Variants in VPS13B observed in about 807,000 individuals in gnomAD.
VPS13B encodes the protein intermembrane lipid transfer protein VPS13B.
VPS13B carries 285 observed loss-of-function variants against 426.4 expected under a neutral mutation model. The ratio of observed to expected loss-of-function variants is 0.67; its 90% CI spans 0.61 to 0.74. The LOEUF (loss-of-function observed/expected upper bound fraction) is 0.74. VPS13B is among the 30% of genes least tolerant of loss of function. VPS13B has a pLI of 0.00. For synonymous variants in VPS13B, 1,676 were observed against 1,676.4 expected, an observed-to-expected ratio of 1.00 and a Z score of 0.01; for missense variants, 4,537 against 4,782.6, an observed-to-expected ratio of 0.95 and a Z score of 1.51.
intron 2 of VPS13B, among the ~76,000 whole-genome samples, chr8:99,035,812 T>C (rs1311420453): frequency 6.6e-6 from 1 of 152,212 alleles, no homozygotes; most frequent in Admixed American, 6.5e-5. Flanking sequence ...TTCCATTTTC[T>C]CAACACTTAC....
chr8:99,224,568 TG>T (rs1242415441), intron 17 of VPS13B, among the ~76,000 whole-genome samples: 3 of 152,168 alleles, frequency 2.0e-5, no homozygotes, highest in Non-Finnish European at 4.4e-5. Context: ...ATTAATCTGA[TG>T]GGATTTGATG....
intron 19 of VPS13B, among the ~76,000 whole-genome samples, chr8:99,381,099 T>C (rs1185167013): frequency 6.6e-6 from 1 of 152,070 alleles, no homozygotes; most frequent in Non-Finnish European, 1.5e-5. Flanking sequence ...TTTTCTCCTC[T>C]ATGTGTCCAT....
At chr8:99,573,857 G>A (rs963588825) in intron 31 of VPS13B, among the ~76,000 whole-genome samples, 61 of 152,128 alleles carry the variant, frequency 4.0e-4, no homozygotes, top group African/African-American at 1.4e-3. Context: ...GTAGCTTGAT[G>A]GGGATGGCAT....
In VPS13B at chr8:99,823,898, A is replaced by T; in HGVS notation, c.9250A>T (p.Thr3084Ser). The change falls in exon 51 of 62, where the codon ACT (threonine) becomes TCT (serine). Residue 3084 changes from threonine (T) to serine (S), a missense_variant. Thr to Ser is a moderately conservative substitution (Grantham distance 58, BLOSUM62 1). Transcript: ENST00000357162. ...GIQIIQIEDK[T>S]TIINNTPYQI... ...ACAAATTATTCAGATTGAAGACAAG[A>T]CTACAATAATCAATAATACACCATA... 6.2e-7 allele frequency: 1 copy of T among 1,613,284 alleles called. No individual in the cohort carries two copies. The highest frequency in any genetic ancestry group is 1.1e-5 in the South Asian group (1 of 91,060).
At chr8:99,680,763 A>T (rs1296540618) in intron 35 of VPS13B, among the ~76,000 whole-genome samples, 1 of 152,214 alleles carries the variant, frequency 6.6e-6, no homozygotes, top group African/African-American at 2.4e-5. Flanking sequence ...TAAGTATCTG[A>T]TAATAATTGG....
intron 3 of VPS13B, among the ~76,000 whole-genome samples, chr8:99,050,821 A>AT (rs1452057143): frequency 6.6e-6 from 1 of 152,212 alleles, no homozygotes; most frequent in African/African-American, 2.4e-5. Context: ...TTTTGGCTGC[A>AT]TTAATGTCTT....
chr8:99,053,421 C>A (rs1419781433), intron 3 of VPS13B, among the ~76,000 whole-genome samples: 4 of 151,988 alleles, frequency 2.6e-5, no homozygotes, highest in Non-Finnish European at 4.4e-5. Flanking sequence ...CGATAGTTTG[C>A]TGAGAATGAT....
chr8:99,791,059 G>A (rs1340200849), intron 43 of VPS13B, among the ~76,000 whole-genome samples: 2 of 152,176 alleles, frequency 1.3e-5, no homozygotes, highest in South Asian at 2.1e-4. Flanking sequence ...TGAACAGTAA[G>A]TATAGGTTGG....
intron 25 of VPS13B, among the ~76,000 whole-genome samples, chr8:99,485,885 A>T (rs1289860507): frequency 6.6e-6 from 1 of 152,188 alleles, no homozygotes; most frequent in Non-Finnish European, 1.5e-5. Context: ...TTAACATTTT[A>T]AAATAATTGG....
chr8:99,840,280 T>C (rs947014813), intron 54 of VPS13B, among the ~76,000 whole-genome samples: 2 of 152,264 alleles, frequency 1.3e-5, no homozygotes, highest in African/African-American at 4.8e-5. Context: ...CCCAGGTCTT[T>C]ATCATATGAC....
intron 54 of VPS13B, among the ~76,000 whole-genome samples, chr8:99,838,215 T>A (rs1815496419): frequency 6.6e-6 from 1 of 152,204 alleles, no homozygotes; most frequent in Non-Finnish European, 1.5e-5. Flanking sequence ...ACCAGAGACC[T>A]GAAGGTGGCA....
chr8:99,457,139 C>A (rs971802211), intron 23 of VPS13B, among the ~76,000 whole-genome samples: 2 of 151,604 alleles, frequency 1.3e-5, no homozygotes, highest in South Asian at 2.1e-4. Flanking sequence ...TCAAGCCATT[C>A]TCCCGCCTCA....
intron 19 of VPS13B, among the ~76,000 whole-genome samples, chr8:99,365,253 CATTTCA>C (rs1416712192): frequency 1.3e-5 from 2 of 148,718 alleles, no homozygotes; most frequent in African/African-American, 4.9e-5. Flanking sequence ...GTATTTTCTT[CATTTCA>C]ATTTCATTTA....
chr8:99,443,156 T>TA (rs1817756936), intron 23 of VPS13B, among the ~76,000 whole-genome samples: 1 of 152,130 alleles, frequency 6.6e-6, no homozygotes, highest in African/African-American at 2.4e-5. Context: ...TGTTTTCAGT[T>TA]ATGAATTCAT....
chr8:99,546,735 T>A (rs1313583538), intron 30 of VPS13B, among the ~76,000 whole-genome samples: 1 of 151,940 alleles, frequency 6.6e-6, no homozygotes, highest in Non-Finnish European at 1.5e-5. Context: ...TGACTGGAAA[T>A]GAAAGAATGT....
At chr8:99,620,875 A>G (rs1030755751) in intron 33 of VPS13B, among the ~76,000 whole-genome samples, 6 of 151,488 alleles carry the variant, frequency 4.0e-5, no homozygotes, top group Non-Finnish European at 8.8e-5. Context: ...TAATCCCACT[A>G]CTTAGGAGGC....
chr8:99,081,096 G>A (rs1845427413), intron 3 of VPS13B, among the ~76,000 whole-genome samples: 1 of 152,130 alleles, frequency 6.6e-6, no homozygotes, highest in Admixed American at 6.6e-5. Flanking sequence ...GCAGTGGTTG[G>A]CAGTAAGTTT....
In VPS13B at chr8:99,853,585, C is replaced by A; in HGVS notation, c.10196C>A (p.Ala3399Asp). 6.2e-7 allele frequency: 1 copy of A among 1,614,194 alleles called. No individual in the cohort carries two copies. Among genetic ancestry groups the A allele is most frequent in the Non-Finnish European group, 8.5e-7 (1 of 1,180,030 alleles). The change falls in exon 56 of 62, where the codon GCC becomes GAC. Residue 3399 changes from alanine (A) to aspartate (D), a missense_variant. Transcript: ENST00000357162. ...CTGGACAACATTTTTCTCTGTGTGG[C>A]CCCGGGAGCTGGTCCCCTCCCTGGG... Reference protein sequence around the residue: ...LTLDNIFLCVAPGAGPLPGEE... With the variant: ...LTLDNIFLCVDPGAGPLPGEE...
rs16897486 is a variant in VPS13B at position 99,598,428 on chromosome 8, C to T, written c.5220+20795C>T. ...TAGAAGGGCGAGAGTGCTGAGATTG[C>T]CCTGGGTTACGTTCATTTGGCTGCA... On this transcript the variant is annotated intron_variant, in intron 33 of 61. Transcript: ENST00000357162. Among the ~76,000 whole-genome samples, 632 of 152,004 alleles carry T rather than the reference C, an allele frequency of 4.2e-3. 9 individuals carry two copies. The highest frequency in any genetic ancestry group is 0.015 in the African/African-American group (606 of 41,476).
Sources: allele counts gnomAD v4.1 joint callset (sites outside exome capture counted in the v4.1 genomes callset), GRCh38; gene constraint gnomAD v4.1.1; transcripts MANE v1.5; gene names NCBI Gene and HGNC (gene_info 2026-07-23, HGNC 2026-07-21).